The following ZPBP variants were observed in gnomAD, a reference collection of about 807,000 sequenced individuals.
The protein encoded by ZPBP is zona pellucida-binding protein 1.
Under a neutral mutation model 44.8 loss-of-function variants are expected in ZPBP, and 26 were observed. The observed-to-expected ratio is 0.58, with a 90% confidence interval of 0.43 to 0.81. The LOEUF is 0.81. Among genes scored for constraint, ZPBP ranks in the 30% least tolerant of loss-of-function variants. The pLI is 0.00. For synonymous variants in ZPBP, 174 were observed against 153.2 expected, an observed-to-expected ratio of 1.14 and a Z score of -1.00; for missense variants, 409 against 434.0, an observed-to-expected ratio of 0.94 and a Z score of 0.51.
At chr7:50,012,362 C>T (rs765267630) in intron 6 of ZPBP, among the ~76,000 whole-genome samples, 10 of 151,884 alleles carry the variant, frequency 6.6e-5, no homozygotes, top group Non-Finnish European at 1.3e-4. Context: ...TTCTATCAAA[C>T]ATCTTAAGGA....
At position 50,031,207 on chromosome 7, in the gene ZPBP, A is replaced by G. The variant is rs1162158969; in HGVS notation, c.591T>C (p.Ile197=). 1 of 1,613,682 alleles carries G rather than the reference A, an allele frequency of 6.2e-7. No individual in the cohort carries two copies. Among genetic ancestry groups the G allele is most frequent in the Admixed American group, 1.7e-5 (1 of 60,012 alleles). The change falls in exon 5 of 8, where the codon ATT becomes ATC. Residue 197 remains isoleucine (I), a synonymous_variant. Coordinates refer to ENST00000046087, the MANE Select transcript of ZPBP (RefSeq NM_007009.3). ...AAAGGTCAAGAAGCAGTTTGCTTAA[A>G]ATCTGAAGAAGTTTCTTCTCAAAAG... ...NISFEKKLLQ[I]LSKLLLDLSC...
At chr7:49,897,735 G>A (rs1274595593) in intron 2 of ZPBP, among the ~76,000 whole-genome samples, 1 of 152,198 alleles carries the variant, frequency 6.6e-6, no homozygotes, top group African/African-American at 2.4e-5. Context: ...AATGTAAACT[G>A]TAATTGAGGA....
intron 5 of ZPBP, among the ~76,000 whole-genome samples, chr7:50,019,473 T>C (rs562664787): frequency 6.6e-6 from 1 of 152,256 alleles, no homozygotes; most frequent in African/African-American, 2.4e-5. Flanking sequence ...GTTGTACTAT[T>C]ATTATATGAA....
intron 6 of ZPBP, among the ~76,000 whole-genome samples, chr7:50,008,096 G>T (rs1395044324): frequency 1.3e-5 from 2 of 152,040 alleles, no homozygotes; most frequent in Non-Finnish European, 2.9e-5. Context: ...GTTTACAGAT[G>T]ACATGATCTT....
At chr7:49,944,560 T>C (rs1795022112) in intron 7 of ZPBP, 1 of 153,324 alleles carries the variant, frequency 6.5e-6, no homozygotes, top group African/African-American at 2.4e-5. Context: ...TCAGTAGTTG[T>C]TATTGGTCTC....
intron 4 of ZPBP, among the ~76,000 whole-genome samples, chr7:50,033,875 T>G (rs1304246863): frequency 2.0e-5 from 3 of 151,894 alleles, no homozygotes; most frequent in Non-Finnish European, 4.4e-5. Context: ...GTATTTTTAG[T>G]AGAGATGGGG....
chr7:49,914,629 C>A (rs1197250863), intron 1 of ZPBP: 1 of 152,050 alleles, frequency 6.6e-6, no homozygotes, highest in Non-Finnish European at 1.5e-5. Flanking sequence ...CATTTTTGTC[C>A]AAGATCAACT....
intron 2 of ZPBP, among the ~76,000 whole-genome samples, chr7:49,870,542 G>A (rs1287782223): frequency 6.6e-6 from 1 of 152,164 alleles, no homozygotes; most frequent in Non-Finnish European, 1.5e-5. Context: ...GTGAGTAAGT[G>A]GGAGTGGTGA....
At chr7:50,031,843 CAT>C (rs145327910) in intron 4 of ZPBP, among the ~76,000 whole-genome samples, 9 of 150,754 alleles carry the variant, frequency 6.0e-5, no homozygotes, top group African/African-American at 1.2e-4. Context: ...CACACACACA[CAT>C]ATATATATAT....
chr7:49,920,996 A>C (rs1021765235), intron 1 of ZPBP: 4 of 152,218 alleles, frequency 2.6e-5, no homozygotes, highest in African/African-American at 9.6e-5. Flanking sequence ...TATTTGGTGA[A>C]AGTTTTCCAG....
chr7:50,020,692 A>G (rs1473659331), intron 5 of ZPBP, among the ~76,000 whole-genome samples: 1 of 152,124 alleles, frequency 6.6e-6, no homozygotes. Context: ...GATGCCAGCA[A>G]AAATAGTAAA....
chr7:49,961,993 A>T (rs1184201097), intron 7 of ZPBP, among the ~76,000 whole-genome samples: 3 of 152,124 alleles, frequency 2.0e-5, no homozygotes, highest in Non-Finnish European at 4.4e-5. Context: ...GAGCCATAAT[A>T]AATCAAACAC....
At chr7:49,877,507 T>TCTATATATATATATATAG (rs1554338277) in intron 2 of ZPBP, among the ~76,000 whole-genome samples, 7 of 90,318 alleles carry the variant, frequency 7.8e-5, no homozygotes, top group Non-Finnish European at 1.2e-4. Context: ...TATATATATA[T>TCTATATATATATATATAG]ATATATATAT....
intron 7 of ZPBP, among the ~76,000 whole-genome samples, chr7:49,971,786 A>C (rs1397087537): frequency 6.6e-6 from 1 of 152,148 alleles, no homozygotes; most frequent in African/African-American, 2.4e-5. Flanking sequence ...AAGCCAGGAA[A>C]AGACATTACA....
At chr7:50,047,355 T>G (rs530178309) in intron 4 of ZPBP, among the ~76,000 whole-genome samples, 1 of 152,224 alleles carries the variant, frequency 6.6e-6, no homozygotes, top group African/African-American at 2.4e-5. Flanking sequence ...AGATCCTTTC[T>G]GATAAAATTA....
intron 6 of ZPBP, among the ~76,000 whole-genome samples, chr7:49,998,813 A>C (rs770407253): frequency 6.6e-6 from 1 of 152,072 alleles, no homozygotes; most frequent in Non-Finnish European, 1.5e-5. Context: ...GTTCCTCTAG[A>C]ACCGCTCTTG....
At chr7:49,983,079 A>G (rs1797101284) in intron 7 of ZPBP, among the ~76,000 whole-genome samples, 1 of 151,988 alleles carries the variant, frequency 6.6e-6, no homozygotes. Context: ...TAAGTGACTC[A>G]TAACTATTAT....
intron 2 of ZPBP, among the ~76,000 whole-genome samples, chr7:49,875,962 AT>A (rs1163984512): frequency 2.0e-4 from 31 of 152,170 alleles, no homozygotes; most frequent in African/African-American, 7.2e-4. Flanking sequence ...AGTCGAAGAA[AT>A]TGGTGTTGCA....
At chr7:49,951,218 T>TG (rs1220712031) in intron 7 of ZPBP, among the ~76,000 whole-genome samples, 1 of 151,784 alleles carries the variant, frequency 6.6e-6, no homozygotes, top group Non-Finnish European at 1.5e-5. Context: ...AAATATAAAC[T>TG]GGACTTCATT....
Sources: gnomAD v4.1 joint callset for allele counts (sites outside exome capture counted in the v4.1 genomes callset) on GRCh38, gnomAD v4.1.1 for gene constraint, MANE v1.5 for transcripts, NCBI Gene and HGNC (gene_info 2026-07-23, HGNC 2026-07-21) for gene names.